Variants in DZIP1L observed in about 807,000 individuals in gnomAD.
The protein encoded by DZIP1L is DAZ interacting zinc finger protein 1 like, also known as cilium assembly protein DZIP1L.
A neutral mutation model predicts 88.7 loss-of-function variants in DZIP1L; 90 were observed. The ratio of observed to expected loss-of-function variants is 1.02; its 90% CI spans 0.86 to 1.21. The LOEUF (loss-of-function observed/expected upper bound fraction) is 1.21, where lower values mean the gene tolerates loss of function less well. DZIP1L is among the 50% of genes most tolerant of loss of function. The probability of loss-of-function intolerance (pLI) is 0.00; values close to 1 mark genes in which losing one functional copy is unlikely to be tolerated. For synonymous variants in DZIP1L, 363 were observed against 372.1 expected, an observed-to-expected ratio of 0.98 and a Z score of 0.28; for missense variants, 932 against 955.8, an observed-to-expected ratio of 0.98 and a Z score of 0.33.
intron 4 of DZIP1L, 71 bp from the exon 5 acceptor site, chr3:138,092,615 T>C: frequency 6.9e-7 from 1 of 1,440,868 alleles, no homozygotes; most frequent in South Asian, 1.6e-5. Flanking sequence ...AGAACCTACT[T>C]AGGCCTCCTT....
In DZIP1L at chr3:138,097,816, G is replaced by A. The variant is rs774436206; in HGVS notation, c.533C>T (p.Ala178Val). The stretch of plus-strand genomic sequence containing the variant: ...CTGGATGTGGCCCCGGAGAAAGGTG[G>A]CATTCATGAATGTCTTGTCACACAG... ...CHLCDKTFMN[A>V]TFLRGHIQRR... Residue 178 changes from alanine (A) to valine (V), a missense_variant, in exon 3 of 16, where the codon GCC (alanine) becomes GTC (valine). Ala to Val is a moderately conservative substitution (Grantham distance 64). Transcript: ENST00000327532. The A allele has an allele frequency of 7.4e-6, 12 of 1,612,928 alleles. No individual in the cohort carries two copies. Among genetic ancestry groups the A allele is most frequent in the South Asian group, 1.1e-5 (1 of 90,664 alleles).
At chr3:138,088,828 GA>G in intron 5 of DZIP1L, 1 of 1,016,014 alleles carries the variant, frequency 9.8e-7, no homozygotes, top group Non-Finnish European at 1.2e-6. Flanking sequence ...CCTCAGTCTG[GA>G]ATACACTGAT....
In DZIP1L at chr3:138,097,944, T is replaced by C. The variant is rs1944558827; in HGVS notation, c.502-97A>G. The C allele has an allele frequency of 4.0e-6, 4 of 997,502 alleles. No homozygotes were observed. In the South Asian group the frequency reaches 5.8e-5, roughly 14 times the overall value. The allele number at this position is 997,502 out of a possible 1,614,324, so 61.8% of individuals were successfully genotyped here. A position where few individuals can be genotyped will look rare whatever the true frequency, so the allele number is the denominator to read the frequency against. ...AAAGCCCCCATCCCCTTGGGACCCC[T>C]GGGCTGCTTCAGAAATAAAGAATTT... On this transcript the variant is annotated intron_variant, in intron 2 of 15. Coordinates refer to ENST00000327532, the MANE Select transcript of DZIP1L (RefSeq NM_173543.3).
intron 10 of DZIP1L, among the ~76,000 whole-genome samples, chr3:138,078,504 TTA>T (rs1316492489): frequency 1.3e-5 from 2 of 152,212 alleles, no homozygotes; most frequent in Admixed American, 1.3e-4. Context: ...CGCTTGATAT[TTA>T]TATTTTAAAT....
At position 138,088,355 on chromosome 3, in the gene DZIP1L, G is replaced by A; in HGVS notation, c.999+24C>T. On this transcript the variant is annotated intron_variant, in intron 6 of 15. Coordinates refer to ENST00000327532, the MANE Select transcript of DZIP1L (RefSeq NM_173543.3). ...GATGGCTCTTGGCTTCCTCTGGGAA[G>A]AAAGGCATGGAGCATCAGCTCACCT... 11 of 1,593,432 alleles carry A rather than the reference G, an allele frequency of 6.9e-6. No individual in the cohort carries two copies. The South Asian group carries it at 1.3e-4, about 18-fold the overall frequency.
At chr3:138,108,384 G>C (rs991270830) in intron 1 of DZIP1L, among the ~76,000 whole-genome samples, 1 of 152,006 alleles carries the variant, frequency 6.6e-6, no homozygotes, top group African/African-American at 2.4e-5. Context: ...TTAAGCTTTG[G>C]CGTCAGATGT....
chr3:138,066,296 G>A (rs112991210), intron 14 of DZIP1L, among the ~76,000 whole-genome samples: 59 of 152,162 alleles, frequency 3.9e-4, no homozygotes, highest in Admixed American at 2.6e-4. Flanking sequence ...TACCTTGGAG[G>A]CTACTTTGAC....
chr3:138,076,055 AG>A (rs1474226494), intron 11 of DZIP1L, among the ~76,000 whole-genome samples: 1 of 152,244 alleles, frequency 6.6e-6, no homozygotes, highest in African/African-American at 2.4e-5. Flanking sequence ...ACAATGGATC[AG>A]GACGAGTGGC....
In DZIP1L at chr3:138,103,991, C is replaced by G. The variant is rs776327518; in HGVS notation, c.-20G>C. On this transcript the variant is annotated 5_prime_UTR_variant, in exon 2 of 16. Transcript: ENST00000327532. ...CTGCATGGGCAGAGGAAGCCCTGAG[C>G]TGACCACCAGAGGAGGGGGGCACCA... 6 of 1,596,322 alleles carry G rather than the reference C, an allele frequency of 3.8e-6. No homozygotes were observed. Among genetic ancestry groups the G allele is most frequent in the Non-Finnish European group, 5.1e-6 (6 of 1,174,610 alleles).
At chr3:138,102,316 C>T (rs1232196482) in intron 2 of DZIP1L, 1 of 1,346,350 alleles carries the variant, frequency 7.4e-7, no homozygotes, top group East Asian at 2.3e-5. Context: ...TAAGCTTCAT[C>T]CACATCTTTC....
chr3:138,069,200 T>C (rs755536114), intron 12 of DZIP1L: 6 of 654,506 alleles, frequency 9.2e-6, no homozygotes, highest in African/African-American at 7.2e-5. Context: ...TGAAGTCCTT[T>C]ATGATGATCC....
intron 1 of DZIP1L, among the ~76,000 whole-genome samples, chr3:138,113,195 A>G (rs1422673960): frequency 6.6e-6 from 1 of 152,088 alleles, no homozygotes; most frequent in Non-Finnish European, 1.5e-5. Flanking sequence ...TGCTTTGCAC[A>G]CTCCCAGTGA....
chr3:138,077,361 T>C, intron 11 of DZIP1L, 138 bp downstream of exon 11: 1 of 1,307,674 alleles, frequency 7.6e-7, no homozygotes, highest in Non-Finnish European at 1.1e-6. Context: ...GGCGTGCAGA[T>C]GCCAGAGGAG....
intron 12 of DZIP1L, among the ~76,000 whole-genome samples, chr3:138,069,516 G>A (rs1033905956): frequency 1.3e-5 from 2 of 152,188 alleles, no homozygotes; most frequent in Non-Finnish European, 2.9e-5. Context: ...CTACTCAGAA[G>A]TGGAGCTTCC....
intron 1 of DZIP1L, among the ~76,000 whole-genome samples, chr3:138,111,594 A>AG (rs1400891023): frequency 2.0e-5 from 3 of 152,222 alleles, no homozygotes; most frequent in Non-Finnish European, 4.4e-5. Flanking sequence ...ACACAGAATT[A>AG]GGGGTCTGAG....
chr3:138,065,604 C>T (rs1942858300), intron 14 of DZIP1L, among the ~76,000 whole-genome samples: 2 of 152,210 alleles, frequency 1.3e-5, no homozygotes, highest in Admixed American at 6.5e-5. Context: ...TGGTGGGCAT[C>T]GATACTTCTC....
At chr3:138,068,506 A>G in intron 12 of DZIP1L, 139 bp from the exon 13 acceptor site, 1 of 593,072 alleles carries the variant, frequency 1.7e-6, no homozygotes, top group South Asian at 4.0e-5. Flanking sequence ...AGCAGATTTC[A>G]TGACTGTTGC....
chr3:138,071,548 G>C, intron 12 of DZIP1L, 95 bp downstream of exon 12: 2 of 1,400,530 alleles, frequency 1.4e-6, no homozygotes, highest in South Asian at 2.9e-5. Flanking sequence ...CCTAATGGGG[G>C]ACAGAGACTA....
At chr3:138,089,726 A>C (rs1467086346) in intron 5 of DZIP1L, among the ~76,000 whole-genome samples, 1 of 152,214 alleles carries the variant, frequency 6.6e-6, no homozygotes, top group Non-Finnish European at 1.5e-5. Flanking sequence ...TGCACTGAGA[A>C]TTTGGTATCC....
Sources: gnomAD v4.1 joint callset for allele counts (sites outside exome capture counted in the v4.1 genomes callset) on GRCh38, gnomAD v4.1.1 for gene constraint, MANE v1.5 for transcripts, NCBI Gene and HGNC (gene_info 2026-07-23, HGNC 2026-07-21) for gene names.